Variants in TLK2 observed in about 807,000 individuals in gnomAD.
TLK2 encodes tousled like kinase 2.
In TLK2, 6 loss-of-function variants were observed where a neutral mutation model predicts 117.3. The ratio of observed to expected loss-of-function variants is 0.05; its 90% CI spans 0.03 to 0.10. TLK2 has a LOEUF of 0.10. Ranked by LOEUF, TLK2 falls within the 10% of genes least tolerant of loss-of-function variation. TLK2 has a pLI of 1.00. For synonymous variants in TLK2, 257 were observed against 316.7 expected, an observed-to-expected ratio of 0.81 and a Z score of 2.00; for missense variants, 299 against 901.2, an observed-to-expected ratio of 0.33 and a Z score of 8.56.
At chr17:62,542,019 G>A (rs1242864632) in intron 7 of TLK2, among the ~76,000 whole-genome samples, 1 of 152,202 alleles carries the variant, frequency 6.6e-6, no homozygotes, top group African/African-American at 2.4e-5. Flanking sequence ...CATACATAAA[G>A]ATCCAGTAAG....
At chr17:62,586,402 T>C (rs2081608009) in intron 16 of TLK2, among the ~76,000 whole-genome samples, 176 bp downstream of exon 16, 1 of 152,212 alleles carries the variant, frequency 6.6e-6, no homozygotes, top group African/African-American at 2.4e-5. Context: ...GCTTACAGAA[T>C]TGGAGTAACA....
intron 19 of TLK2, among the ~76,000 whole-genome samples, chr17:62,604,407 T>C (rs146756408): frequency 5.4e-4 from 9 of 16,602 alleles, no homozygotes; most frequent in Middle Eastern, 0.028. Flanking sequence ...ACTATATACA[T>C]ATATATATAT....
chr17:62,559,593 G>T (rs1413259174), intron 9 of TLK2, among the ~76,000 whole-genome samples: 1 of 151,966 alleles, frequency 6.6e-6, no homozygotes. Context: ...GGCCAGGCTG[G>T]TCTTGAACTC....
intron 9 of TLK2, among the ~76,000 whole-genome samples, chr17:62,558,310 A>G (rs2079014624): frequency 1.3e-5 from 2 of 152,084 alleles, no homozygotes; most frequent in African/African-American, 4.8e-5. Context: ...TCAGAGGCGC[A>G]TGCCACCACA....
intron 1 of TLK2, among the ~76,000 whole-genome samples, chr17:62,479,988 C>T (rs1476054047): frequency 2.0e-5 from 3 of 152,192 alleles, no homozygotes; most frequent in Non-Finnish European, 4.4e-5. Context: ...TGCATTTCAA[C>T]CTTTCTGAGA....
chr17:62,528,153 A>G (rs1336003759), intron 6 of TLK2, among the ~76,000 whole-genome samples: 5 of 152,214 alleles, frequency 3.3e-5, no homozygotes, highest in African/African-American at 1.2e-4. Flanking sequence ...CATGTAAGCA[A>G]TAATGTCTTA....
chr17:62,500,961 G>A (rs1469423516), intron 2 of TLK2, among the ~76,000 whole-genome samples: 1 of 152,072 alleles, frequency 6.6e-6, no homozygotes, highest in Non-Finnish European at 1.5e-5. Flanking sequence ...TTTGTGAGCC[G>A]GGCATGGTGA....
intron 15 of TLK2, 146 bp downstream of exon 15, chr17:62,580,338 C>T (rs944936187): frequency 9.2e-6 from 5 of 540,906 alleles, no homozygotes; most frequent in African/African-American, 7.7e-5. Context: ...TTTGGGAAAA[C>T]AGCTTTCAAT....
intron 20 of TLK2, among the ~76,000 whole-genome samples, 174 bp downstream of exon 20, chr17:62,606,415 A>G (rs1316873717): frequency 6.6e-6 from 1 of 152,250 alleles, no homozygotes; most frequent in Non-Finnish European, 1.5e-5. Flanking sequence ...CTTATTCGTA[A>G]GCAGAAATCC....
chr17:62,539,763 A>C (rs1229131711), intron 7 of TLK2, among the ~76,000 whole-genome samples: 1 of 151,938 alleles, frequency 6.6e-6, no homozygotes. Context: ...CGGCCTCCCC[A>C]AAGTTCTGGG....
At chr17:62,561,117 T>C (rs2079238098) in intron 10 of TLK2, among the ~76,000 whole-genome samples, 1 of 152,210 alleles carries the variant, frequency 6.6e-6, no homozygotes, top group African/African-American at 2.4e-5. Context: ...CTGAGAATGA[T>C]GGTTTCCAGC....
rs1344356640 is a variant in TLK2 at position 62,495,348 on chromosome 17, T to C, written c.81+14142T>C. On this transcript the variant is annotated intron_variant, in intron 2 of 21. Transcript: ENST00000346027. ...TATTAGGAATAAATTAAAGAATGAT[T>C]AGTATAGGATAGCTTGGTTTTGAAG... Among the ~76,000 whole-genome samples the C allele has an allele frequency of 1.3e-5, 2 of 152,094 alleles. 1 individual carries two copies.
chr17:62,549,413 A>AC (rs2078221824), intron 7 of TLK2, among the ~76,000 whole-genome samples: 1 of 26,578 alleles, frequency 3.8e-5, no homozygotes, highest in Non-Finnish European at 9.7e-5. Context: ...AAAAAAAAAA[A>AC]AAAAAAAAAA....
chr17:62,575,465 A>T (rs1475108060), intron 12 of TLK2, among the ~76,000 whole-genome samples: 1 of 151,888 alleles, frequency 6.6e-6, no homozygotes. Context: ...TCTTCTTTCT[A>T]TTTTTTCTTG....
At position 62,525,137 on chromosome 17, in the gene TLK2, C is replaced by T. The variant is rs796744187; in HGVS notation, c.363+806C>T. Among the ~76,000 whole-genome samples, 9 of 152,184 alleles carry T rather than the reference C, an allele frequency of 5.9e-5. No homozygotes were observed. In the South Asian group the frequency reaches 1.7e-3, roughly 28 times the overall value. ...AAGAGTGTGCTCTATCCCCTAATACCTTAGGTATTGCCTCTGGGATCTTGG... is the reference window on the plus strand; with the variant it reads ...AAGAGTGTGCTCTATCCCCTAATACTTTAGGTATTGCCTCTGGGATCTTGG... On this transcript the variant is annotated intron_variant, in intron 6 of 21. Transcript: ENST00000346027.
chr17:62,476,736 G>C (rs1394294034), upstream of TLK2, among the ~76,000 whole-genome samples: 1 of 152,086 alleles, frequency 6.6e-6, no homozygotes, highest in African/African-American at 2.4e-5. Context: ...TGACTCCATT[G>C]AGTGCTTTCT....
intron 2 of TLK2, among the ~76,000 whole-genome samples, chr17:62,490,028 C>T (rs1485191068): frequency 1.3e-5 from 2 of 152,086 alleles, no homozygotes; most frequent in Non-Finnish European, 2.9e-5. Flanking sequence ...ATTGGTTTCA[C>T]CATGTTGGCC....
chr17:62,483,607 A>G lies in TLK2; in HGVS notation c.81+2401A>G, dbSNP rs975612995. Reference sequence around the variant, plus strand: ...AACCTCCATCTCCCAGTCTCAAGCAATTCTCCTGCCTCAGCCTATAGATAG... The same window carrying G: ...AACCTCCATCTCCCAGTCTCAAGCAGTTCTCCTGCCTCAGCCTATAGATAG... On this transcript the variant is annotated intron_variant, in intron 2 of 21. Coordinates refer to ENST00000346027, the MANE Select transcript of TLK2 (RefSeq NM_006852.6). Among the ~76,000 whole-genome samples the G allele has an allele frequency of 5.9e-5, 9 of 152,212 alleles. No individual in the cohort carries two copies. The East Asian group carries it at 9.6e-4, about 16-fold the overall frequency.
intron 17 of TLK2, chr17:62,600,355 C>T (rs1025374117): frequency 1.3e-5 from 3 of 230,632 alleles, no homozygotes; most frequent in Non-Finnish European, 2.5e-5. Flanking sequence ...AGCTTAAATA[C>T]ATTATAGTTC....
Sources: allele counts gnomAD v4.1 joint callset (sites outside exome capture counted in the v4.1 genomes callset), GRCh38; gene constraint gnomAD v4.1.1; transcripts MANE v1.5; gene names NCBI Gene and HGNC (gene_info 2026-07-23, HGNC 2026-07-21).